Variants in CMSS1 observed in about 807,000 individuals in gnomAD.
The protein encoded by CMSS1 is protein CMSS1.
In CMSS1, 33 loss-of-function variants were observed where a neutral mutation model predicts 43.5. The observed-to-expected ratio is 0.76, with a 90% CI of 0.57 to 1.01. The LOEUF (loss-of-function observed/expected upper bound fraction) is 1.01. CMSS1 is among the 50% of genes least tolerant of loss of function. The probability of loss-of-function intolerance (pLI) is 0.00; values close to 1 mark genes in which losing one functional copy is unlikely to be tolerated. For missense variants in CMSS1, 313 were observed against 326.4 expected, an observed-to-expected ratio of 0.96 and a Z score of 0.32; for synonymous variants, 115 against 117.2, an observed-to-expected ratio of 0.98 and a Z score of 0.12.
chr3:99,833,635 A>G (rs567251788), intron 1 of CMSS1, among the ~76,000 whole-genome samples: 1 of 152,288 alleles, frequency 6.6e-6, no homozygotes, highest in Admixed American at 6.5e-5. Flanking sequence ...AGTGCTTTGA[A>G]CTTTTTGATC....
At chr3:99,869,070 G>T (rs1430460271) in intron 1 of CMSS1, among the ~76,000 whole-genome samples, 3 of 152,206 alleles carry the variant, frequency 2.0e-5, no homozygotes, top group African/African-American at 7.2e-5. Context: ...CCCTTAGGCT[G>T]AGTGGTACCT....
rs556536967 is a variant in CMSS1 at position 99,992,104 on chromosome 3, A to G, written c.65-154869A>G. Among the ~76,000 whole-genome samples the G allele has an allele frequency of 4.0e-5, 6 of 151,374 alleles. No homozygotes were observed. The South Asian group carries it at 8.3e-4, about 21-fold the overall frequency. On this transcript the variant is annotated intron_variant, in intron 1 of 9. Coordinates refer to ENST00000421999, the MANE Select transcript of CMSS1 (RefSeq NM_032359.4). The stretch of plus-strand genomic sequence containing the variant: ...CTTAGGTTAATTCTGTATCTTTGCT[A>G]TTGTGCATTGTGCTGTGATAAAAAT...
chr3:100,009,154 G>T (rs1407718678), intron 1 of CMSS1, among the ~76,000 whole-genome samples: 4 of 152,160 alleles, frequency 2.6e-5, no homozygotes, highest in Non-Finnish European at 4.4e-5. Flanking sequence ...GCAAGTGACT[G>T]AACTTACTGA....
intron 1 of CMSS1, among the ~76,000 whole-genome samples, chr3:100,135,788 G>A (rs1372335595): frequency 6.6e-6 from 1 of 152,002 alleles, no homozygotes; most frequent in Admixed American, 6.6e-5. Context: ...AAAAAGTTGA[G>A]GCATTTTTCT....
chr3:100,053,471 C>T (rs2065407817), intron 1 of CMSS1, among the ~76,000 whole-genome samples: 2 of 152,212 alleles, frequency 1.3e-5, no homozygotes, highest in South Asian at 2.1e-4. Flanking sequence ...CTCGTTGTGT[C>T]TGTATCCAAA....
intron 1 of CMSS1, among the ~76,000 whole-genome samples, chr3:100,135,091 T>C (rs2066740298): frequency 6.6e-6 from 1 of 152,208 alleles, no homozygotes; most frequent in Non-Finnish European, 1.5e-5. Context: ...CAGTGCCTTG[T>C]ACAAAGTAAG....
At chr3:99,961,769 C>T (rs996268989) in intron 1 of CMSS1, among the ~76,000 whole-genome samples, 3 of 152,068 alleles carry the variant, frequency 2.0e-5, no homozygotes, top group Non-Finnish European at 2.9e-5. Context: ...ATAATGACAC[C>T]GATCTTGCCT....
intron 2 of CMSS1, among the ~76,000 whole-genome samples, chr3:100,156,541 T>A (rs2066975819): frequency 1.3e-5 from 2 of 151,680 alleles, no homozygotes; most frequent in African/African-American, 2.4e-5. Context: ...ACTCCTGACC[T>A]CGTAATCCGC....
At chr3:100,066,742 G>A (rs1245560469) in intron 1 of CMSS1, among the ~76,000 whole-genome samples, 3 of 94,922 alleles carry the variant, frequency 3.2e-5, no homozygotes, top group African/African-American at 6.9e-5. Context: ...CATTTTAGCC[G>A]GGATGGTCTC....
chr3:100,029,511 C>T lies in CMSS1; in HGVS notation c.65-117462C>T, dbSNP rs188874819. Among the ~76,000 whole-genome samples the T allele has an allele frequency of 2.5e-3, 384 of 152,158 alleles. 1 individual carries two copies. Among genetic ancestry groups the T allele is most frequent in the African/African-American group, 8.8e-3 (364 of 41,520 alleles). On this transcript the variant is annotated intron_variant, in intron 1 of 9. Transcript: ENST00000421999. Reference sequence around the variant, plus strand: ...AGTGGTTTTGTTTCTAAAAATATAGCCTATATATACATAGACCATACCAGT... The same window carrying T: ...AGTGGTTTTGTTTCTAAAAATATAGTCTATATATACATAGACCATACCAGT...
intron 1 of CMSS1, among the ~76,000 whole-genome samples, chr3:99,863,158 C>T (rs1944344255): frequency 6.6e-6 from 1 of 152,120 alleles, no homozygotes; most frequent in South Asian, 2.1e-4. Flanking sequence ...ATGAAACTGT[C>T]CCACTCGGAT....
intron 1 of CMSS1, among the ~76,000 whole-genome samples, chr3:100,066,916 A>C (rs2065675329): frequency 6.6e-6 from 1 of 152,156 alleles, no homozygotes; most frequent in African/African-American, 2.4e-5. Context: ...GCCAGTCATT[A>C]CTTGTTTTCT....
intron 1 of CMSS1, among the ~76,000 whole-genome samples, chr3:99,839,113 A>T (rs1311111352): frequency 6.6e-6 from 1 of 151,934 alleles, no homozygotes; most frequent in Non-Finnish European, 1.5e-5. Context: ...AGTCTTCCCC[A>T]TCCTGTATCC....
intron 1 of CMSS1, among the ~76,000 whole-genome samples, chr3:99,985,316 G>A (rs1709305678): frequency 6.6e-6 from 1 of 152,098 alleles, no homozygotes. Flanking sequence ...CAGATTGCAT[G>A]AGCCCAGGAG....
intron 1 of CMSS1, among the ~76,000 whole-genome samples, chr3:99,836,879 C>T (rs955455049): frequency 6.6e-6 from 1 of 152,184 alleles, no homozygotes; most frequent in Non-Finnish European, 1.5e-5. Flanking sequence ...AACTTGTACT[C>T]GCAGAAAGGT....
intron 1 of CMSS1, among the ~76,000 whole-genome samples, chr3:100,028,196 AATG>A (rs2064961879): frequency 6.6e-6 from 1 of 152,184 alleles, no homozygotes; most frequent in African/African-American, 2.4e-5. Context: ...CATTGAGTTA[AATG>A]ATATCATTAT....
intron 1 of CMSS1, among the ~76,000 whole-genome samples, chr3:100,061,736 T>A (rs1166709668): frequency 6.6e-6 from 1 of 152,180 alleles, no homozygotes; most frequent in Non-Finnish European, 1.5e-5. Context: ...TATCCTCCCA[T>A]TCTGAGGTGA....
intron 1 of CMSS1, among the ~76,000 whole-genome samples, chr3:99,835,887 G>T (rs1212045807): frequency 6.6e-6 from 1 of 152,154 alleles, no homozygotes; most frequent in Non-Finnish European, 1.5e-5. Context: ...TTAGTATGAG[G>T]AACAAAGGAA....
At chr3:99,842,456 A>T (rs1258466506) in intron 1 of CMSS1, among the ~76,000 whole-genome samples, 1 of 151,078 alleles carries the variant, frequency 6.6e-6, no homozygotes, top group Non-Finnish European at 1.5e-5. Flanking sequence ...GTAACCAAAC[A>T]CCACTTGTTC....
Sources: gnomAD v4.1 joint callset for allele counts (sites outside exome capture counted in the v4.1 genomes callset) on GRCh38, gnomAD v4.1.1 for gene constraint, MANE v1.5 for transcripts, NCBI Gene and HGNC (gene_info 2026-07-23, HGNC 2026-07-21) for gene names.